Variants in CDH18 observed in about 807,000 individuals in gnomAD.
The protein encoded by CDH18 is cadherin-18.
CDH18 carries 31 observed loss-of-function variants against 67.9 expected under a neutral mutation model. The observed-to-expected ratio is 0.46, with a 90% confidence interval of 0.34 to 0.62. The LOEUF is 0.62. CDH18 is among the 20% of genes least tolerant of loss of function. The probability of loss-of-function intolerance (pLI) is 0.01; values close to 1 mark genes in which losing one functional copy is unlikely to be tolerated. For missense variants in CDH18, 890 were observed against 975.5 expected (o/e 0.91, Z 1.17); for synonymous variants, 362 against 347.2 (o/e 1.04, Z -0.48).
intron 9 of CDH18, among the ~76,000 whole-genome samples, chr5:19,534,499 T>C (rs1749120237): frequency 6.6e-6 from 1 of 152,080 alleles, no homozygotes; most frequent in South Asian, 2.1e-4. Flanking sequence ...ATTCAGAAGA[T>C]GAAAAATCAG....
chr5:19,540,514 T>A (rs188355763), intron 9 of CDH18, among the ~76,000 whole-genome samples: 1 of 152,166 alleles, frequency 6.6e-6, no homozygotes, highest in East Asian at 1.9e-4. Flanking sequence ...GCCTTACAGG[T>A]CCTCCATGAG....
chr5:19,804,973 G>A (rs890870155), intron 3 of CDH18, among the ~76,000 whole-genome samples: 14 of 150,668 alleles, frequency 9.3e-5, no homozygotes, highest in African/African-American at 3.4e-4. Context: ...TGGACAGGGT[G>A]TGGCTCTGTC....
chr5:19,973,209 T>TTTGGAA (rs1441193550), intron 2 of CDH18, among the ~76,000 whole-genome samples: 3 of 152,114 alleles, frequency 2.0e-5, no homozygotes, highest in African/African-American at 7.2e-5. Flanking sequence ...AAAAATACTG[T>TTTGGAA]ATAATTTGGT....
intron 2 of CDH18, among the ~76,000 whole-genome samples, chr5:19,970,673 C>G (rs1797935202): frequency 6.6e-6 from 1 of 151,524 alleles, no homozygotes; most frequent in Non-Finnish European, 1.5e-5. Context: ...TCACGAGACT[C>G]ATGGGAATAC....
chr5:19,525,640 C>T (rs1200668252), intron 9 of CDH18, among the ~76,000 whole-genome samples: 1 of 152,198 alleles, frequency 6.6e-6, no homozygotes, highest in Non-Finnish European at 1.5e-5. Context: ...TGATTTCAGA[C>T]AATTACGAGT....
intron 1 of CDH18, among the ~76,000 whole-genome samples, chr5:20,297,746 G>A (rs1466539974): frequency 6.6e-6 from 1 of 152,122 alleles, no homozygotes; most frequent in African/African-American, 2.4e-5. Context: ...AAAATTGTTA[G>A]GGCTTTAAGT....
intron 6 of CDH18, among the ~76,000 whole-genome samples, chr5:19,599,880 G>A (rs990131664): frequency 6.6e-6 from 1 of 151,996 alleles, no homozygotes; most frequent in Non-Finnish European, 1.5e-5. Flanking sequence ...GAGCGAGACT[G>A]TGTCTCAATA....
At chr5:20,420,100 C>T (rs9687957) in intron 1 of CDH18, among the ~76,000 whole-genome samples, 115,831 of 150,710 alleles carry the variant, frequency 0.77, 45,220 homozygotes, top group Admixed American at 0.86. Context: ...CCTGGAGACT[C>T]TGCTGCCAAT....
At chr5:19,512,156 A>G (rs939358033) in intron 10 of CDH18, among the ~76,000 whole-genome samples, 1 of 152,170 alleles carries the variant, frequency 6.6e-6, no homozygotes, top group Admixed American at 6.6e-5. Context: ...ATTGGCCTAG[A>G]TTTGCAGCAG....
chr5:19,992,017 C>CAAAAAAAAAAAAAAAAAAAAAAAAAA (rs775034313), upstream of CDH18: 1 of 47,600 alleles, frequency 2.1e-5, no homozygotes, highest in Non-Finnish European at 4.7e-5. Flanking sequence ...GATTCCATCT[C>CAAAAAAAAAAAAAAAAAAAAAAAAAA]AAAAAAAAAA....
At chr5:19,575,844 T>A in intron 7 of CDH18, among the ~76,000 whole-genome samples, 1 of 152,254 alleles carries the variant, frequency 6.6e-6, no homozygotes, top group Non-Finnish European at 1.5e-5. Context: ...TTTTTGTGGC[T>A]GCCCTAGCCT....
intron 1 of CDH18, among the ~76,000 whole-genome samples, chr5:20,339,991 A>T (rs1740120559): frequency 6.6e-6 from 1 of 152,112 alleles, no homozygotes; most frequent in Non-Finnish European, 1.5e-5. Flanking sequence ...CCCTTGGAGG[A>T]CTCTAAATGG....
chr5:20,252,948 A>AAG (rs397689010), intron 2 of CDH18, among the ~76,000 whole-genome samples: 2 of 151,754 alleles, frequency 1.3e-5, no homozygotes, highest in Non-Finnish European at 2.9e-5. Context: ...AAAAAAAAAA[A>AAG]GTGCACCAAT....
chr5:19,851,363 C>T (rs1205640400), intron 2 of CDH18, among the ~76,000 whole-genome samples: 1 of 147,628 alleles, frequency 6.8e-6, no homozygotes, highest in East Asian at 2.0e-4. Context: ...AAAAAATTTA[C>T]CAGTTTATGT....
intron 2 of CDH18, among the ~76,000 whole-genome samples, chr5:20,042,765 C>A (rs1030260426): frequency 4.8e-4 from 73 of 152,102 alleles, no homozygotes; most frequent in African/African-American, 1.7e-3. Context: ...AGATCGAGAC[C>A]ATCCTGGCTA....
intron 1 of CDH18, among the ~76,000 whole-genome samples, chr5:20,406,822 C>A (rs1171950025): frequency 1.3e-5 from 2 of 152,126 alleles, no homozygotes; most frequent in Non-Finnish European, 2.9e-5. Context: ...AGTATAAGTT[C>A]CTTTTGTTAG....
rs766058553 is a variant in CDH18, at chr5:19,559,925, C to CA, written c.1253+11653dup. Among the ~76,000 whole-genome samples the CA allele has an allele frequency of 1.6e-3, 231 of 145,362 alleles. 4 individuals are homozygous for CA. Among genetic ancestry groups the CA allele is most frequent in the East Asian group, 5.3e-3 (26 of 4,926 alleles). On this transcript the variant is annotated intron_variant, in intron 8 of 12. Transcript: ENST00000382275. ...CCTTTATAATAGTTGCAAAAACAAA[C>CA]AAAAAAAAAACTCAGGAATATATTT...
intron 2 of CDH18, among the ~76,000 whole-genome samples, chr5:20,189,915 A>T (rs1245552723): frequency 6.6e-6 from 1 of 152,186 alleles, no homozygotes; most frequent in African/African-American, 2.4e-5. Flanking sequence ...ATTTCTCAAC[A>T]TCCCCTTACC....
chr5:19,898,153 T>G (rs1326339936), intron 2 of CDH18, among the ~76,000 whole-genome samples: 1 of 152,070 alleles, frequency 6.6e-6, no homozygotes, highest in East Asian at 1.9e-4. Context: ...TATTATTTTA[T>G]TTATCTCTGT....
Sources: allele counts gnomAD v4.1 joint callset (sites outside exome capture counted in the v4.1 genomes callset), GRCh38; gene constraint gnomAD v4.1.1; transcripts MANE v1.5; gene names NCBI Gene and HGNC (gene_info 2026-07-23, HGNC 2026-07-21).